PIGK: variants seen among roughly 807,000 people sequenced by gnomAD.
PIGK encodes GPI-anchor transamidase.
In PIGK, 42 loss-of-function variants were observed where a neutral mutation model predicts 50.6. That is an observed-to-expected ratio of 0.83 (90% CI 0.65 to 1.07). The LOEUF is 1.07. Among genes scored for constraint, PIGK ranks in the 50% least tolerant of loss-of-function variants. The pLI is 0.00. For synonymous variants in PIGK, 151 were observed against 156.0 expected, an observed-to-expected ratio of 0.97 and a Z score of 0.24; for missense variants, 448 against 488.7, an observed-to-expected ratio of 0.92 and a Z score of 0.78.
Position 77,090,744 on chromosome 1 carries a change from T to C in PIGK, c.*1630A>G, listed in dbSNP as rs1033123240. 2 of 152,228 alleles carry C rather than the reference T, an allele frequency of 1.3e-5. No homozygotes were observed. Among genetic ancestry groups the C allele is most frequent in the African/African-American group, 4.8e-5 (2 of 41,472 alleles). The allele number at this position is 152,228 out of a possible 1,614,324, so 9.4% of individuals were successfully genotyped here. ...TCTCAGTGCTACTATAATCAGTCTA[T>C]TCAATTGCAAGTTTATTTTCCCTTC... On this transcript the variant is annotated 3_prime_UTR_variant, in exon 11 of 11. Coordinates refer to ENST00000370812, the MANE Select transcript of PIGK (RefSeq NM_005482.3).
At chr1:77,100,879 C>A (rs1409729092) in intron 10 of PIGK, among the ~76,000 whole-genome samples, 1 of 152,242 alleles carries the variant, frequency 6.6e-6, no homozygotes, top group Non-Finnish European at 1.5e-5. Context: ...ACACAAAGAA[C>A]TGAATTCTTT....
chr1:77,171,835 T>C (rs1655370730), intron 3 of PIGK, among the ~76,000 whole-genome samples: 2 of 152,166 alleles, frequency 1.3e-5, no homozygotes, highest in Admixed American at 6.5e-5. Context: ...TTGATCCAAG[T>C]GTTAAATTAT....
chr1:77,154,739 C>T, intron 8 of PIGK, 118 bp from the exon 9 acceptor site: 1 of 685,462 alleles, frequency 1.5e-6, no homozygotes, highest in South Asian at 1.9e-5. Context: ...CCTAAAGAAG[C>T]TATGTGTTCT....
At chr1:77,114,963 T>C (rs1502534) in intron 10 of PIGK, among the ~76,000 whole-genome samples, 1,657 of 152,270 alleles carry the variant, frequency 0.011, 26 homozygotes, top group African/African-American at 0.038. Flanking sequence ...CAGCATCCTT[T>C]TGATGAGTTT....
chr1:77,094,190 T>G (rs752191421), intron 10 of PIGK, among the ~76,000 whole-genome samples: 15 of 152,130 alleles, frequency 9.9e-5, no homozygotes, highest in Non-Finnish European at 1.9e-4. Context: ...TCATTATTAG[T>G]GGAAGCACAT....
At chr1:77,214,923 C>T (rs57132154) in intron 1 of PIGK, among the ~76,000 whole-genome samples, 5,632 of 152,022 alleles carry the variant, frequency 0.037, 206 homozygotes, top group South Asian at 0.21. Context: ...AAATTAAACA[C>T]CTAGGAATAA....
intron 10 of PIGK, among the ~76,000 whole-genome samples, chr1:77,112,219 A>G (rs760049061): frequency 2.4e-5 from 3 of 126,066 alleles, no homozygotes; most frequent in Non-Finnish European, 4.9e-5. Flanking sequence ...TACCAGTTTT[A>G]AAGAGAATGA....
At chr1:77,162,113 C>T (rs527283125) in intron 6 of PIGK, among the ~76,000 whole-genome samples, 3 of 152,260 alleles carry the variant, frequency 2.0e-5, no homozygotes, top group Admixed American at 1.3e-4. Flanking sequence ...CACAGACAAA[C>T]ATACAACTAC....
rs543772646 is a variant in PIGK, at chr1:77,179,977, T to C, written c.240-10582A>G. On this transcript the variant is annotated intron_variant, in intron 3 of 10. Transcript: ENST00000370812. Reference sequence around the variant, plus strand: ...ACCAGGTCAGCATCACAGCAGTTATTTAAATCTGCACTGAATAAGCATCAA... The same window carrying C: ...ACCAGGTCAGCATCACAGCAGTTATCTAAATCTGCACTGAATAAGCATCAA... Among the ~76,000 whole-genome samples the C allele has an allele frequency of 4.6e-5, 7 of 152,244 alleles. No individual in the cohort carries two copies. In the South Asian group the frequency reaches 1.5e-3, roughly 32 times the overall value.
intron 3 of PIGK, among the ~76,000 whole-genome samples, chr1:77,205,421 T>A (rs140821672): frequency 7.1e-4 from 108 of 151,576 alleles, no homozygotes; most frequent in African/African-American, 2.5e-3. Context: ...ATGGAAATTA[T>A]AGTTTTGTCA....
rs1570181661 is a variant in PIGK, at chr1:77,104,287, A to T, written c.1072-11797T>A. Among the ~76,000 whole-genome samples, 3 of 152,284 alleles carry T rather than the reference A, an allele frequency of 2.0e-5. 1 individual carries two copies. Among genetic ancestry groups the T allele is most frequent in the Admixed American group, 2.0e-4 (3 of 15,296 alleles). On this transcript the variant is annotated intron_variant, in intron 10 of 10. Transcript: ENST00000370812. Reference sequence around the variant, plus strand: ...AAAAAGACTTATGAAAAAGATGATGATTTCAATGGACAGGGATCTGAAAGC... The same window carrying T: ...AAAAAGACTTATGAAAAAGATGATGTTTTCAATGGACAGGGATCTGAAAGC...
intron 10 of PIGK, among the ~76,000 whole-genome samples, chr1:77,113,128 T>C (rs1653891242): frequency 6.6e-6 from 1 of 152,014 alleles, no homozygotes; most frequent in African/African-American, 2.4e-5. Context: ...CAAAATCTAC[T>C]ATAAAGCATA....
chr1:77,195,489 T>G, intron 3 of PIGK: 1 of 739,302 alleles, frequency 1.4e-6, no homozygotes, highest in South Asian at 2.2e-5. Context: ...AGAATGACTA[T>G]TAAAATGGCA....
At chr1:77,179,375 C>T (rs924035336) in intron 3 of PIGK, among the ~76,000 whole-genome samples, 2 of 152,186 alleles carry the variant, frequency 1.3e-5, no homozygotes, top group African/African-American at 4.8e-5. Context: ...CATTTGAGTC[C>T]TTGTGGACAA....
chr1:77,195,505 T>G, intron 3 of PIGK: 1 of 626,626 alleles, frequency 1.6e-6, no homozygotes, highest in Non-Finnish European at 2.6e-6. Context: ...TGGCACACAG[T>G]TTTACGGAAA....
At chr1:77,146,605 G>T (rs1374874395) in intron 9 of PIGK, among the ~76,000 whole-genome samples, 1 of 152,090 alleles carries the variant, frequency 6.6e-6, no homozygotes, top group Non-Finnish European at 1.5e-5. Context: ...AGGCCAGCCT[G>T]GGCAACACGG....
chr1:77,122,910 T>C lies in PIGK; in HGVS notation c.987-551A>G, dbSNP rs549400412. Among the ~76,000 whole-genome samples the C allele has an allele frequency of 1.0e-3, 154 of 152,310 alleles. 2 individuals carry two copies. The highest frequency in any genetic ancestry group is 3.5e-3 in the African/African-American group (145 of 41,586). On this transcript the variant is annotated intron_variant, in intron 9 of 10. Transcript: ENST00000370812. ...TAATTTGTTTATCGCCATCTAGGTA[T>C]ATTATTTTCACTTCCTTGAAGATGA...
chr1:77,184,498 TA>T (rs1408471733), intron 3 of PIGK, among the ~76,000 whole-genome samples: 1 of 152,102 alleles, frequency 6.6e-6, no homozygotes, highest in Non-Finnish European at 1.5e-5. Flanking sequence ...TTTACCAGAG[TA>T]ACTGTGCACT....
At position 77,090,341 on chromosome 1, in the gene PIGK, A is replaced by G. The variant is rs1217275461; in HGVS notation, c.*2033T>C. On this transcript the variant is annotated 3_prime_UTR_variant, in exon 11 of 11. Transcript: ENST00000370812. Reference sequence around the variant, plus strand: ...ATGAAGGCAGAGTATGCTCTATGTAAAAAGATTATGGTTATAAGTGAAACA... The same window carrying G: ...ATGAAGGCAGAGTATGCTCTATGTAGAAAGATTATGGTTATAAGTGAAACA... 6.6e-6 allele frequency: 1 copy of G among 152,244 alleles called. No homozygotes were observed. Among genetic ancestry groups the G allele is most frequent in the Non-Finnish European group, 1.5e-5 (1 of 68,046 alleles). The allele number at this position is 152,244 out of a possible 1,614,324, so 9.4% of individuals were successfully genotyped here.
Sources: gnomAD v4.1 joint callset for allele counts (sites outside exome capture counted in the v4.1 genomes callset) on GRCh38, gnomAD v4.1.1 for gene constraint, MANE v1.5 for transcripts, NCBI Gene and HGNC (gene_info 2026-07-23, HGNC 2026-07-21) for gene names.